Variants in GRIN2B observed in about 807,000 individuals in gnomAD.
GRIN2B encodes the protein glutamate ionotropic receptor NMDA type subunit 2B.
Under a neutral mutation model 114.5 loss-of-function variants are expected in GRIN2B, and 5 were observed. That is an observed-to-expected ratio of 0.04 (90% confidence interval 0.02 to 0.09). GRIN2B has a LOEUF of 0.09. Among genes scored for constraint, GRIN2B ranks in the 10% least tolerant of loss-of-function variants. The pLI, the probability that GRIN2B is intolerant of heterozygous loss-of-function variation, is 1.00. For missense variants in GRIN2B, 1,108 were observed against 1,943.5 expected (o/e 0.57, Z 8.08); for synonymous variants, 787 against 745.1 (o/e 1.06, Z -0.92).
chr12:13,605,986 A>G (rs796707764), intron 10 of GRIN2B, among the ~76,000 whole-genome samples: 13 of 152,120 alleles, frequency 8.5e-5, no homozygotes, highest in African/African-American at 3.1e-4. Context: ...GACATGATAC[A>G]CTACACCCCT....
At chr12:13,835,945 G>T (rs899775059) in intron 3 of GRIN2B, among the ~76,000 whole-genome samples, 1 of 152,128 alleles carries the variant, frequency 6.6e-6, no homozygotes, top group Non-Finnish European at 1.5e-5. Context: ...TGTAAGGGAG[G>T]TTTGAGAGAG....
chr12:13,747,128 G>C (rs1863399847), intron 4 of GRIN2B, among the ~76,000 whole-genome samples: 1 of 152,206 alleles, frequency 6.6e-6, no homozygotes, highest in Non-Finnish European at 1.5e-5. Context: ...TAACAAAAAA[G>C]AGACAAAGAA....
Position 13,691,691 on chromosome 12 carries a change from A to C in GRIN2B, c.1011-15832T>G, listed in dbSNP as rs190844706. The stretch of plus-strand genomic sequence containing the variant: ...TTACAAAGGGGGTTGGGGTGAGTGT[A>C]GAAGAGATAGAAATGTGAGAGAACA... On this transcript the variant is annotated intron_variant, in intron 4 of 13. Coordinates refer to ENST00000609686, the MANE Select transcript of GRIN2B (RefSeq NM_000834.5). Among the ~76,000 whole-genome samples the C allele has an allele frequency of 6.9e-3, 1,058 of 152,302 alleles. 18 individuals carry two copies. The highest frequency in any genetic ancestry group is 0.024 in the African/African-American group (978 of 41,554).
chr12:13,977,182 T>C (rs532363037), intron 2 of GRIN2B, among the ~76,000 whole-genome samples: 7 of 152,356 alleles, frequency 4.6e-5, no homozygotes, highest in African/African-American at 1.4e-4. Context: ...CATTTCACCT[T>C]CTTATTGATT....
At chr12:13,712,146 A>T (rs1282123452) in intron 4 of GRIN2B, among the ~76,000 whole-genome samples, 1 of 149,628 alleles carries the variant, frequency 6.7e-6, no homozygotes, top group Non-Finnish European at 1.5e-5. Context: ...ACCAAACACC[A>T]CATATTCTCA....
chr12:13,691,576 C>G (rs752657256), intron 4 of GRIN2B, among the ~76,000 whole-genome samples: 1 of 152,106 alleles, frequency 6.6e-6, no homozygotes, highest in Non-Finnish European at 1.5e-5. Context: ...TACCAGGTTG[C>G]TTTGATTATA....
intron 2 of GRIN2B, among the ~76,000 whole-genome samples, chr12:13,978,149 C>G (rs1332536376): frequency 6.6e-6 from 1 of 152,198 alleles, no homozygotes; most frequent in Admixed American, 6.5e-5. Flanking sequence ...TCAATGCCCT[C>G]CTCTCCTTGT....
intron 3 of GRIN2B, among the ~76,000 whole-genome samples, chr12:13,811,171 T>C (rs1010708301): frequency 1.4e-4 from 21 of 152,152 alleles, no homozygotes; most frequent in African/African-American, 4.3e-4. Flanking sequence ...AATGCCAAAA[T>C]AGAGTTGGCA....
At chr12:13,740,844 G>A (rs1017795924) in intron 4 of GRIN2B, among the ~76,000 whole-genome samples, 1 of 152,088 alleles carries the variant, frequency 6.6e-6, no homozygotes, top group Non-Finnish European at 1.5e-5. Context: ...GAAAAGGGAG[G>A]TATCAGCAAG....
intron 2 of GRIN2B, among the ~76,000 whole-genome samples, chr12:13,969,311 C>T (rs549459355): frequency 6.6e-6 from 1 of 152,270 alleles, no homozygotes; most frequent in South Asian, 2.1e-4. Context: ...GCAACATAAA[C>T]CTTTATCTTT....
intron 3 of GRIN2B, among the ~76,000 whole-genome samples, chr12:13,761,948 T>C (rs1373633158): frequency 5.3e-5 from 8 of 152,156 alleles, no homozygotes; most frequent in Admixed American, 5.2e-4. Flanking sequence ...GTCTGGGCAT[T>C]TATAGAATAA....
chr12:13,746,673 G>A (rs568136736), intron 4 of GRIN2B, among the ~76,000 whole-genome samples: 10 of 152,338 alleles, frequency 6.6e-5, no homozygotes, highest in African/African-American at 2.4e-4. Context: ...ATGTTGAAAT[G>A]TGACCCCAAT....
chr12:13,861,733 A>G (rs971041915), intron 3 of GRIN2B, among the ~76,000 whole-genome samples: 2 of 152,082 alleles, frequency 1.3e-5, no homozygotes, highest in African/African-American at 4.8e-5. Flanking sequence ...GCCTTCCCCC[A>G]GATTTTCACC....
chr12:13,907,698 GT>G (rs1281514851), intron 2 of GRIN2B, among the ~76,000 whole-genome samples: 1 of 152,030 alleles, frequency 6.6e-6, no homozygotes, highest in Non-Finnish European at 1.5e-5. Flanking sequence ...CTGTTTAGTG[GT>G]TATATGGATG....
At chr12:13,635,466 G>A (rs936862920) in intron 5 of GRIN2B, among the ~76,000 whole-genome samples, 1 of 152,186 alleles carries the variant, frequency 6.6e-6, no homozygotes. Context: ...AGCAGAGGAA[G>A]ATGGAAATGC....
intron 5 of GRIN2B, among the ~76,000 whole-genome samples, chr12:13,635,570 G>A (rs543368522): frequency 1.8e-4 from 28 of 152,122 alleles, no homozygotes; most frequent in Non-Finnish European, 4.1e-4. Context: ...AGTCTCTGTT[G>A]GAAATAGCAG....
At chr12:13,931,392 CTT>C (rs1867028045) in intron 2 of GRIN2B, among the ~76,000 whole-genome samples, 1 of 152,200 alleles carries the variant, frequency 6.6e-6, no homozygotes, top group African/African-American at 2.4e-5. Flanking sequence ...TTCAATAACA[CTT>C]CAGTATCCTG....
chr12:13,870,382 T>C (rs1218123009), intron 2 of GRIN2B, among the ~76,000 whole-genome samples: 1 of 152,144 alleles, frequency 6.6e-6, no homozygotes, highest in Admixed American at 6.6e-5. Context: ...TTTGGCTCTT[T>C]GCCTCCTTGA....
intron 4 of GRIN2B, among the ~76,000 whole-genome samples, chr12:13,747,356 A>G (rs1379439818): frequency 6.6e-6 from 1 of 152,222 alleles, no homozygotes; most frequent in Non-Finnish European, 1.5e-5. Flanking sequence ...GGAAAACAGA[A>G]GAGTTTGAAT....
Sources: gnomAD v4.1 joint callset for allele counts (sites outside exome capture counted in the v4.1 genomes callset) on GRCh38, gnomAD v4.1.1 for gene constraint, MANE v1.5 for transcripts, NCBI Gene and HGNC (gene_info 2026-07-23, HGNC 2026-07-21) for gene names.